Variants in CDS2 observed in about 807,000 individuals in gnomAD.
The protein encoded by CDS2 is phosphatidate cytidylyltransferase 2.
In CDS2, 47 loss-of-function variants were observed where a neutral mutation model predicts 59.0. The ratio of observed to expected loss-of-function variants is 0.80; its 90% CI spans 0.63 to 1.02. CDS2 has a LOEUF of 1.02. Among genes scored for constraint, CDS2 ranks in the 50% least tolerant of loss-of-function variants. The pLI, the probability that CDS2 is intolerant of heterozygous loss-of-function variation, is 0.00. For synonymous variants in CDS2, 207 were observed against 206.4 expected, an observed-to-expected ratio of 1.00 and a Z score of -0.02; for missense variants, 356 against 558.9, an observed-to-expected ratio of 0.64 and a Z score of 3.66.
rs1189352490 is a variant in CDS2 at position 5,127,023 on chromosome 20, C to T, written c.-70C>T. ...GGCCGGCCGTGGGAGTCCGCGCGTG[C>T]CCGCGCCGAGCTGCCTGCTCCGGCG... On this transcript the variant is annotated 5_prime_UTR_variant, in exon 1 of 13. Transcript: ENST00000460006. 3.5e-6 allele frequency: 5 copies of T among 1,419,156 alleles called. No homozygotes were observed. The highest frequency in any genetic ancestry group is 5.3e-5 in the Admixed American group (2 of 37,626). The allele number at this position is 1,419,156 out of a possible 1,614,324, so 87.9% of individuals were successfully genotyped here. A position where few individuals can be genotyped will look rare whatever the true frequency, so the allele number is the denominator to read the frequency against.
intron 1 of CDS2, among the ~76,000 whole-genome samples, chr20:5,137,757 T>C (rs1425367137): frequency 6.6e-6 from 1 of 151,612 alleles, no homozygotes; most frequent in East Asian, 2.0e-4. Flanking sequence ...GAGGCTGCAG[T>C]GTAGCCCACT....
At chr20:5,153,631 G>A (rs1568533512) in intron 1 of CDS2, among the ~76,000 whole-genome samples, 1 of 152,306 alleles carries the variant, frequency 6.6e-6, no homozygotes, top group East Asian at 1.9e-4. Flanking sequence ...AGATCGTATA[G>A]CTTGTACTGT....
chr20:5,181,696 T>G (rs545142067), intron 5 of CDS2, among the ~76,000 whole-genome samples: 2 of 152,242 alleles, frequency 1.3e-5, no homozygotes, highest in Non-Finnish European at 2.9e-5. Context: ...AGTGTACTTA[T>G]GCAGACCTAG....
intron 1 of CDS2, among the ~76,000 whole-genome samples, chr20:5,164,457 G>A (rs1600495000): frequency 2.0e-5 from 3 of 152,164 alleles, no homozygotes; most frequent in African/African-American, 7.2e-5. Flanking sequence ...TTAGGGGCTC[G>A]TCGCATGTGG....
chr20:5,137,039 G>A (rs537563349), intron 1 of CDS2, among the ~76,000 whole-genome samples: 2 of 152,148 alleles, frequency 1.3e-5, no homozygotes, highest in South Asian at 4.2e-4. Context: ...GTAGTGTTTG[G>A]TTTTCTCTTC....
rs1006406286 is a variant in CDS2, at chr20:5,193,462, C to T, written c.*3228C>T. The T allele has an allele frequency of 2.0e-4, 31 of 152,252 alleles. No homozygotes were observed. Among genetic ancestry groups the T allele is most frequent in the African/African-American group, 7.2e-4 (30 of 41,548 alleles). The allele number at this position is 152,252 out of a possible 1,614,324, so 9.4% of individuals were successfully genotyped here. On this transcript the variant is annotated 3_prime_UTR_variant, in exon 13 of 13. Coordinates refer to ENST00000460006, the MANE Select transcript of CDS2 (RefSeq NM_003818.4). The stretch of plus-strand genomic sequence containing the variant: ...GAATTTTTTTCCACTGTAACTTGAC[C>T]TATATTATGCAAGAAAATCCCAAAA...
chr20:5,147,003 A>G lies in CDS2; in HGVS notation c.57+19854A>G, dbSNP rs574449119. 2.0e-5 allele frequency among the ~76,000 whole-genome samples: 3 copies of G among 152,328 alleles called. No individual in the cohort carries two copies. The East Asian group carries it at 5.8e-4, about 29-fold the overall frequency. The stretch of plus-strand genomic sequence containing the variant: ...AGGTCTGCTCCTTTCCTGTAAGGAT[A>G]CTTTCTGAAAAACGCATGATTTCTG... On this transcript the variant is annotated intron_variant, in intron 1 of 12. Coordinates refer to ENST00000460006, the MANE Select transcript of CDS2 (RefSeq NM_003818.4).
rs1002608918 is a variant in CDS2 at position 5,191,671 on chromosome 20, A to C, written c.*1437A>C. On this transcript the variant is annotated 3_prime_UTR_variant, in exon 13 of 13. Transcript: ENST00000460006. ...CTCCCTGAAAGTGCACAGTCAGCCCAGGTCTCTAGAGTGTCCAGCAGAGGA... is the reference window on the plus strand; with the variant it reads ...CTCCCTGAAAGTGCACAGTCAGCCCCGGTCTCTAGAGTGTCCAGCAGAGGA... The C allele has an allele frequency of 1.3e-5, 2 of 152,224 alleles. No individual in the cohort carries two copies. Among genetic ancestry groups the C allele is most frequent in the Non-Finnish European group, 2.9e-5 (2 of 68,076 alleles). 9.4% of individuals were successfully genotyped at this position (152,224 alleles called of 1,614,324 possible).
intron 1 of CDS2, among the ~76,000 whole-genome samples, chr20:5,142,623 C>T (rs2090704191): frequency 6.6e-6 from 1 of 152,028 alleles, no homozygotes; most frequent in African/African-American, 2.4e-5. Flanking sequence ...GTATATTCCT[C>T]CTGTATAAAA....
intron 1 of CDS2, among the ~76,000 whole-genome samples, chr20:5,135,819 G>A (rs1296391392): frequency 2.6e-5 from 4 of 152,194 alleles, no homozygotes; most frequent in Non-Finnish European, 5.9e-5. Flanking sequence ...GCAGCAAAGG[G>A]TATTCTGTGA....
chr20:5,178,859 A>G lies in CDS2; in HGVS notation c.432A>G (p.Thr144=), dbSNP rs936895733. 4 of 1,614,072 alleles carry G rather than the reference A, an allele frequency of 2.5e-6. No individual in the cohort carries two copies. The highest frequency in any genetic ancestry group is 2.7e-5 in the African/African-American group (2 of 74,932). Residue 144 remains threonine (T), a synonymous_variant, in exon 5 of 13, where the codon ACA becomes ACG. Transcript: ENST00000460006. ...LCVNYFFYGE[T]VTDYFFTLVQ... Reference sequence around the variant, plus strand: ...TAAACTATTTCTTCTATGGTGAGACAGTGACGGATTACTTCTTCACCCTGG... The same window carrying G: ...TAAACTATTTCTTCTATGGTGAGACGGTGACGGATTACTTCTTCACCCTGG...
At chr20:5,175,397 A>C (rs2090987796) in intron 3 of CDS2, 118 bp downstream of exon 3, 1 of 762,072 alleles carries the variant, frequency 1.3e-6, no homozygotes, top group Non-Finnish European at 2.3e-6. Flanking sequence ...GGCTTCTCAG[A>C]AAACCTCTGC....
intron 3 of CDS2, 75 bp downstream of exon 3, chr20:5,175,354 G>A: frequency 8.5e-7 from 1 of 1,171,154 alleles, no homozygotes; most frequent in Non-Finnish European, 1.3e-6. Flanking sequence ...AGTGCGAGGT[G>A]TTGGGTTGGT....
intron 1 of CDS2, among the ~76,000 whole-genome samples, chr20:5,162,335 C>T (rs2090881326): frequency 6.6e-6 from 1 of 152,122 alleles, no homozygotes; most frequent in African/African-American, 2.4e-5. Context: ...TGCAAATATT[C>T]CAAATTCTGA....
intron 1 of CDS2, among the ~76,000 whole-genome samples, chr20:5,164,834 C>G (rs1270482032): frequency 2.6e-5 from 4 of 152,186 alleles, no homozygotes; most frequent in Non-Finnish European, 4.4e-5. Context: ...GTTGGCAGAG[C>G]CTCCTGGGGA....
At position 5,175,178 on chromosome 20, in the gene CDS2, C is replaced by A; in HGVS notation, c.195-5C>A. ...GTTTTCTCCTTCCCCTGCTCTCTGA[C>A]CTAGATGGAAGAACTGGTGGGTGAG... On this transcript the variant is annotated splice_region_variant and splice_polypyrimidine_tract_variant and intron_variant, in intron 2 of 12. Transcript: ENST00000460006. The A allele has an allele frequency of 6.2e-7, 1 of 1,611,680 alleles. No homozygotes were observed. Among genetic ancestry groups the A allele is most frequent in the Non-Finnish European group, 8.5e-7 (1 of 1,177,812 alleles).
chr20:5,139,945 G>A (rs1235842400), intron 1 of CDS2, among the ~76,000 whole-genome samples: 3 of 152,022 alleles, frequency 2.0e-5, no homozygotes, highest in East Asian at 1.9e-4. Context: ...GATTACAGGC[G>A]CCTGCCACCA....
intron 1 of CDS2, among the ~76,000 whole-genome samples, chr20:5,140,209 A>C (rs539809810): frequency 2.0e-5 from 3 of 152,290 alleles, no homozygotes; most frequent in East Asian, 3.9e-4. Flanking sequence ...ACCTTATTGA[A>C]CCAAGCAGGC....
chr20:5,155,983 G>A (rs545943495), intron 1 of CDS2, among the ~76,000 whole-genome samples: 1 of 152,276 alleles, frequency 6.6e-6, no homozygotes, highest in Admixed American at 6.5e-5. Context: ...ATGGATTGTG[G>A]AGGACCTCGA....
Sources: gnomAD v4.1 joint callset for allele counts (sites outside exome capture counted in the v4.1 genomes callset) on GRCh38, gnomAD v4.1.1 for gene constraint, MANE v1.5 for transcripts, NCBI Gene and HGNC (gene_info 2026-07-23, HGNC 2026-07-21) for gene names.